Variants in HYDIN observed in about 807,000 individuals in gnomAD.
HYDIN encodes the protein axonemal central pair apparatus protein HYDIN.
Under a neutral mutation model 403.9 loss-of-function variants are expected in HYDIN, and 132 were observed. That is an observed-to-expected ratio of 0.33 (90% confidence interval 0.28 to 0.38). The LOEUF is 0.38. Among genes scored for constraint, HYDIN ranks in the 10% least tolerant of loss-of-function variants. The pLI is 1.00. For synonymous variants in HYDIN, 1,202 were observed against 1,891.7 expected (o/e 0.64, Z 9.46); for missense variants, 2,827 against 5,009.5 (o/e 0.56, Z 13.15).
At chr16:70,888,596 GT>G (rs1411085844) in intron 58 of HYDIN, among the ~76,000 whole-genome samples, 2 of 149,848 alleles carry the variant, frequency 1.3e-5, no homozygotes, top group African/African-American at 5.1e-5. Context: ...ATGGGGGAAT[GT>G]CTCATTATCA....
chr16:71,186,040 T>A (rs1463533510), intron 2 of HYDIN, among the ~76,000 whole-genome samples: 1 of 152,196 alleles, frequency 6.6e-6, no homozygotes, highest in African/African-American at 2.4e-5. Flanking sequence ...TATATTGTGA[T>A]TTAAATTAAA....
chr16:70,908,162 G>A lies in HYDIN; in HGVS notation c.8396+90C>T, dbSNP rs1417049072. The A allele has an allele frequency of 7.9e-5, 91 of 1,145,856 alleles. 2 individuals carry two copies. Among genetic ancestry groups the A allele is most frequent in the South Asian group, 7.1e-4 (48 of 67,562 alleles). 71.0% of individuals were successfully genotyped at this position (1,145,856 alleles called of 1,614,324 possible). On this transcript the variant is annotated intron_variant, in intron 49 of 85. Coordinates refer to ENST00000393567, the MANE Select transcript of HYDIN (RefSeq NM_001270974.2). The stretch of plus-strand genomic sequence containing the variant: ...GGCTGGGGTGCTGCCCCAGCTCCAC[G>A]TTATGGTAAGAGCCACCTTGTTCAA...
intron 18 of HYDIN, among the ~76,000 whole-genome samples, chr16:71,042,520 C>T (rs1316725799): frequency 1.3e-5 from 2 of 152,060 alleles, no homozygotes; most frequent in Non-Finnish European, 2.9e-5. Flanking sequence ...TTAACATTTA[C>T]TTTTTGGTGA....
intron 5 of HYDIN, among the ~76,000 whole-genome samples, chr16:71,169,472 G>A (rs2086375098): frequency 6.6e-6 from 1 of 152,064 alleles, no homozygotes; most frequent in South Asian, 2.1e-4. Context: ...ATATACAATG[G>A]AATACTATGT....
At chr16:70,907,137 T>C (rs1414790947) in intron 50 of HYDIN, among the ~76,000 whole-genome samples, 1 of 152,184 alleles carries the variant, frequency 6.6e-6, no homozygotes, top group East Asian at 1.9e-4. Flanking sequence ...GATCCTACCC[T>C]GATCAAGCCT....
intron 13 of HYDIN, chr16:71,075,860 T>A (rs1270465194): frequency 8.9e-6 from 2 of 223,746 alleles, no homozygotes; most frequent in Non-Finnish European, 1.9e-5. Flanking sequence ...GCTTTCTTGT[T>A]GGGAGTCTCA....
chr16:70,885,892 T>C (rs2041100402), intron 58 of HYDIN, among the ~76,000 whole-genome samples: 1 of 151,788 alleles, frequency 6.6e-6, no homozygotes, highest in Non-Finnish European at 1.5e-5. Flanking sequence ...CTTCAATCAA[T>C]AATTATTGCT....
intron 36 of HYDIN, 67 bp downstream of exon 36, chr16:70,970,453 A>G: frequency 6.5e-7 from 1 of 1,530,984 alleles, no homozygotes; most frequent in Non-Finnish European, 9.0e-7. Context: ...CTAAATTGAC[A>G]AGGAAGAATT....
intron 9 of HYDIN, among the ~76,000 whole-genome samples, chr16:71,121,593 C>G (rs4788766): frequency 0.28 from 43,168 of 151,864 alleles, 6,522 homozygotes; most frequent in Admixed American, 0.43. Context: ...ACCACATAAA[C>G]AAATATTTTC....
intron 6 of HYDIN, among the ~76,000 whole-genome samples, chr16:71,154,765 T>C (rs2144584586): frequency 6.6e-6 from 1 of 150,498 alleles, no homozygotes; most frequent in East Asian, 2.0e-4. Flanking sequence ...TCTGGGGCAG[T>C]GGTTACTAGC....
Position 70,832,857 on chromosome 16 carries a change from C to G in HYDIN, c.13890G>C (p.Ala4630=). ...TLSGVCVGPP[A]VKEVVNFTCQ... is the part of the protein sequence containing the mutation. The stretch of plus-strand genomic sequence containing the variant: ...GGCAGCAGCTACTAACCTCTTTTAC[C>G]GCAGGTGGTCCCACGCAGACTCCAG... Residue 4630 remains alanine, a synonymous_variant, in exon 80 of 86, where the codon GCG becomes GCC. Transcript: ENST00000393567. 2 of 1,456,632 alleles carry G rather than the reference C, an allele frequency of 1.4e-6. No individual in the cohort carries two copies. Among genetic ancestry groups the G allele is most frequent in the Non-Finnish European group, 1.9e-6 (2 of 1,079,362 alleles). The allele number at this position is 1,456,632 out of a possible 1,614,324, so 90.2% of individuals were successfully genotyped here. A position where few individuals can be genotyped will look rare whatever the true frequency, so the allele number is the denominator to read the frequency against.
intron 83 of HYDIN, among the ~76,000 whole-genome samples, chr16:70,822,293 A>T (rs2036319128): frequency 6.6e-6 from 1 of 152,202 alleles, no homozygotes; most frequent in African/African-American, 2.4e-5. Flanking sequence ...GTAACTGTAG[A>T]TGTAGCAGAA....
chr16:71,043,928 AAAAG>A (rs1380034548), intron 18 of HYDIN, among the ~76,000 whole-genome samples: 112 of 151,882 alleles, frequency 7.4e-4, no homozygotes, highest in Middle Eastern at 3.4e-3. Context: ...ATCTAAAAAA[AAAAG>A]AAAGAAAGAA....
At chr16:70,890,224 A>G (rs2041388587) in intron 57 of HYDIN, among the ~76,000 whole-genome samples, 1 of 152,262 alleles carries the variant, frequency 6.6e-6, no homozygotes, top group Non-Finnish European at 1.5e-5. Flanking sequence ...AGTTCACCTA[A>G]AATATTCAAA....
At position 71,186,772 on chromosome 16, in the gene HYDIN, C is replaced by T. The variant is rs2087172971; in HGVS notation, c.124G>A (p.Val42Ile). ...CCCGGATACATTACCATTCGGTTTA[C>T]TTCTTCTTCTGTAACCACCTTTGGA... The part of the protein sequence containing the change: ...LSPKVVTEEE[V>I]NRMLTPSEFL... The change falls in exon 2 of 86, where the codon GTA becomes ATA. Residue 42 changes from valine (V) to isoleucine (I), a missense_variant. Coordinates refer to ENST00000393567, the MANE Select transcript of HYDIN (RefSeq NM_001270974.2). 1 of 1,612,120 alleles carries T rather than the reference C, an allele frequency of 6.2e-7. No individual in the cohort carries two copies. Among genetic ancestry groups the T allele is most frequent in the South Asian group, 1.1e-5 (1 of 90,798 alleles).
intron 18 of HYDIN, among the ~76,000 whole-genome samples, chr16:71,046,615 T>C (rs1436400790): frequency 6.6e-6 from 1 of 152,212 alleles, no homozygotes; most frequent in Non-Finnish European, 1.5e-5. Flanking sequence ...CATACACTTC[T>C]TCAGTCTCTG....
In HYDIN at chr16:70,829,787, G is replaced by C; in HGVS notation, c.13943C>G (p.Thr4648Ser). ...GTTGGTGCGGTTTGACAGCAGGATG[G>C]TCTGCGTGTGCTTGGAGCGCACCTG... ...TCQVRSKHTQ[T>S]ILLSNRTNQT... is the part of the protein sequence containing the mutation. The change falls in exon 81 of 86, where the codon ACC (threonine) becomes AGC (serine). Residue 4648 changes from threonine to serine, a missense_variant. Coordinates refer to ENST00000393567, the MANE Select transcript of HYDIN (RefSeq NM_001270974.2). 1.2e-6 allele frequency: 2 copies of C among 1,614,048 alleles called. No individual in the cohort carries two copies.
At chr16:71,042,013 G>A (rs2081301154) in intron 18 of HYDIN, among the ~76,000 whole-genome samples, 1 of 151,142 alleles carries the variant, frequency 6.6e-6, no homozygotes. Flanking sequence ...GCCAGTGCAT[G>A]GTCACTAGTT....
intron 1 of HYDIN, among the ~76,000 whole-genome samples, chr16:71,204,410 C>T (rs2088185695): frequency 6.6e-6 from 1 of 152,184 alleles, no homozygotes; most frequent in South Asian, 2.1e-4. Context: ...CAATCTCCAC[C>T]AGCCATTAGG....
Sources: gnomAD v4.1 joint callset for allele counts (sites outside exome capture counted in the v4.1 genomes callset) on GRCh38, gnomAD v4.1.1 for gene constraint, MANE v1.5 for transcripts, NCBI Gene and HGNC (gene_info 2026-07-23, HGNC 2026-07-21) for gene names.